The following DPYD variants were observed in gnomAD, a reference collection of about 807,000 sequenced individuals.
DPYD encodes dihydropyrimidine dehydrogenase [NADP(+)].
Under a neutral mutation model 116.2 loss-of-function variants are expected in DPYD, and 109 were observed. That is an observed-to-expected ratio of 0.94 (90% CI 0.80 to 1.10). The LOEUF (loss-of-function observed/expected upper bound fraction) is 1.10. DPYD is among the 50% of genes least tolerant of loss of function. DPYD has a pLI of 0.00. For missense variants in DPYD, 1,302 were observed against 1,254.5 expected (o/e 1.04, Z -0.57); for synonymous variants, 440 against 432.0 (o/e 1.02, Z -0.23).
chr1:97,917,702 C>T (rs1355040070), intron 1 of DPYD, among the ~76,000 whole-genome samples: 12 of 152,114 alleles, frequency 7.9e-5, no homozygotes, highest in Admixed American at 5.9e-4. Flanking sequence ...GGTAGCAGTA[C>T]AGTAACAGAT....
intron 7 of DPYD, among the ~76,000 whole-genome samples, chr1:97,686,312 T>C (rs1394365558): frequency 1.3e-5 from 2 of 152,044 alleles, no homozygotes; most frequent in Admixed American, 6.6e-5. Context: ...TCCTTACACC[T>C]TATACAAAAA....
Position 97,098,471 on chromosome 1 carries a change from A to C in DPYD, c.2766+18T>G. On this transcript the variant is annotated intron_variant, in intron 21 of 22. Coordinates refer to ENST00000370192, the MANE Select transcript of DPYD (RefSeq NM_000110.4). ...ACCAGTAAAGTAGGCATACTTATAT[A>C]GTTGGCATAATTTTTACCTTGATGG... 6.2e-7 allele frequency: 1 copy of C among 1,610,490 alleles called. No homozygotes were observed. Among genetic ancestry groups the C allele is most frequent in the Non-Finnish European group, 8.5e-7 (1 of 1,177,486 alleles).
chr1:97,897,663 T>C (rs1402524441), intron 1 of DPYD, among the ~76,000 whole-genome samples: 1 of 151,920 alleles, frequency 6.6e-6, no homozygotes, highest in East Asian at 1.9e-4. Flanking sequence ...ATCCAGTGTG[T>C]TTTTCATCTC....
intron 13 of DPYD, among the ~76,000 whole-genome samples, chr1:97,512,242 A>G (rs1244399942): frequency 6.6e-6 from 1 of 151,910 alleles, no homozygotes; most frequent in Non-Finnish European, 1.5e-5. Context: ...ATGCCAAAAA[A>G]AGAGGCTTAA....
At chr1:97,158,580 G>A (rs1204826735) in intron 20 of DPYD, among the ~76,000 whole-genome samples, 1 of 150,422 alleles carries the variant, frequency 6.6e-6, no homozygotes, top group African/African-American at 2.4e-5. Flanking sequence ...AAGGGGAATT[G>A]GCACCTGGAA....
intron 22 of DPYD, 122 bp downstream of exon 22, chr1:97,082,208 G>T: frequency 8.4e-7 from 1 of 1,188,882 alleles, no homozygotes; most frequent in Non-Finnish European, 1.2e-6. Context: ...ATGTACTGTT[G>T]CAGAAGAGCA....
At chr1:97,449,191 G>T (rs1570751154) in intron 14 of DPYD, among the ~76,000 whole-genome samples, 1 of 152,172 alleles carries the variant, frequency 6.6e-6, no homozygotes, top group East Asian at 1.9e-4. Flanking sequence ...ATATTTAAGT[G>T]TTGTCTTTTG....
chr1:97,554,507 T>C (rs1651552517), intron 11 of DPYD, among the ~76,000 whole-genome samples: 2 of 152,094 alleles, frequency 1.3e-5, no homozygotes, highest in South Asian at 2.1e-4. Context: ...TGTTGTTTAA[T>C]TTTACATAAC....
intron 3 of DPYD, among the ~76,000 whole-genome samples, chr1:97,742,574 T>A (rs2101075411): frequency 6.6e-6 from 1 of 152,284 alleles, no homozygotes; most frequent in South Asian, 2.1e-4. Flanking sequence ...CCCGAAACAC[T>A]ATTGTTGAGT....
At chr1:97,132,952 T>C (rs1653447120) in intron 20 of DPYD, among the ~76,000 whole-genome samples, 1 of 152,086 alleles carries the variant, frequency 6.6e-6, no homozygotes, top group East Asian at 1.9e-4. Context: ...AAACCAATAC[T>C]TGATATTTCT....
chr1:97,579,764 C>G (rs902420838), intron 10 of DPYD, among the ~76,000 whole-genome samples: 1 of 152,160 alleles, frequency 6.6e-6, no homozygotes, highest in African/African-American at 2.4e-5. Flanking sequence ...AGCAAACATG[C>G]CAACCTCTCT....
chr1:97,155,329 A>G (rs1412262812), intron 20 of DPYD, among the ~76,000 whole-genome samples: 1 of 152,160 alleles, frequency 6.6e-6, no homozygotes, highest in Non-Finnish European at 1.5e-5. Context: ...CACTATTCAT[A>G]GTTCTTTTCA....
intron 18 of DPYD, among the ~76,000 whole-genome samples, chr1:97,297,740 G>A (rs962001107): frequency 2.0e-5 from 3 of 152,182 alleles, no homozygotes; most frequent in Non-Finnish European, 4.4e-5. Context: ...AAATTTGCAT[G>A]TAAGCACTGT....
Position 97,373,297 on chromosome 1 carries a change from G to A in DPYD, c.2058+264C>T, listed in dbSNP as rs74105115. On this transcript the variant is annotated intron_variant, in intron 16 of 22. Coordinates refer to ENST00000370192, the MANE Select transcript of DPYD (RefSeq NM_000110.4). ...TGAAATCAGCTAATTCTGCTTCAGC[G>A]CTTTTAAAAACTATTTGTTATGATA... 0.017 allele frequency among the ~76,000 whole-genome samples: 2,614 copies of A among 152,214 alleles called. 76 individuals carry two copies. Among genetic ancestry groups the A allele is most frequent in the African/African-American group, 0.059 (2,463 of 41,512 alleles).
At chr1:97,438,360 T>C (rs1055875570) in intron 14 of DPYD, among the ~76,000 whole-genome samples, 5 of 152,040 alleles carry the variant, frequency 3.3e-5, no homozygotes, top group African/African-American at 9.6e-5. Flanking sequence ...ATACAGTATA[T>C]TCTTCCATTT....
In DPYD at chr1:97,131,144, C is replaced by T. The variant is rs190730572; in HGVS notation, c.2623-32512G>A. On this transcript the variant is annotated intron_variant, in intron 20 of 22. Transcript: ENST00000370192. Reference sequence around the variant, plus strand: ...AAAATTTCAAAGCACTAAAATATATCAAAAAGAAAAAAAAAAGGAACGCTA... The same window carrying T: ...AAAATTTCAAAGCACTAAAATATATTAAAAAGAAAAAAAAAAGGAACGCTA... Among the ~76,000 whole-genome samples, 96 of 150,384 alleles carry T rather than the reference C, an allele frequency of 6.4e-4. 1 individual carries two copies. Among genetic ancestry groups the T allele is most frequent in the Non-Finnish European group, 1.0e-4 (7 of 67,556 alleles).
intron 20 of DPYD, among the ~76,000 whole-genome samples, chr1:97,173,979 A>G (rs1189034276): frequency 6.6e-6 from 1 of 151,560 alleles, no homozygotes; most frequent in African/African-American, 2.4e-5. Flanking sequence ...ATTCAACCTC[A>G]AGTGTTTTGT....
At chr1:97,287,961 C>T (rs928009403) in intron 18 of DPYD, among the ~76,000 whole-genome samples, 1 of 151,178 alleles carries the variant, frequency 6.6e-6, no homozygotes, top group Non-Finnish European at 1.5e-5. Flanking sequence ...CAGAGACACA[C>T]ATAGGCTCAA....
chr1:97,788,826 T>G (rs1443322267), intron 3 of DPYD, among the ~76,000 whole-genome samples: 2 of 152,176 alleles, frequency 1.3e-5, no homozygotes, highest in Middle Eastern at 3.2e-3. Flanking sequence ...TTGTTGTTGT[T>G]GTTTGTTTCC....
Sources: gnomAD v4.1 joint callset for allele counts (sites outside exome capture counted in the v4.1 genomes callset) on GRCh38, gnomAD v4.1.1 for gene constraint, MANE v1.5 for transcripts, NCBI Gene and HGNC (gene_info 2026-07-23, HGNC 2026-07-21) for gene names.